UGGT2: variants seen among roughly 807,000 people sequenced by gnomAD.
UGGT2 encodes the protein UDP-glucose glycoprotein glucosyltransferase 2.
A neutral mutation model predicts 192.1 loss-of-function variants in UGGT2; 180 were observed. That is an observed-to-expected ratio of 0.94 (90% CI 0.83 to 1.06). The LOEUF (loss-of-function observed/expected upper bound fraction) is 1.06. Among genes scored for constraint, UGGT2 ranks in the 50% least tolerant of loss-of-function variants. The pLI, the probability that UGGT2 is intolerant of heterozygous loss-of-function variation, is 0.00. For synonymous variants in UGGT2, 580 were observed against 591.0 expected, an observed-to-expected ratio of 0.98 and a Z score of 0.27; for missense variants, 1,849 against 1,795.7, an observed-to-expected ratio of 1.03 and a Z score of -0.54.
At chr13:95,871,560 T>C (rs893963911) in intron 29 of UGGT2, among the ~76,000 whole-genome samples, 8 of 152,188 alleles carry the variant, frequency 5.3e-5, no homozygotes, top group South Asian at 2.1e-4. Flanking sequence ...CTGGGAAAGT[T>C]AGAAGTGTAC....
At position 95,853,626 on chromosome 13, in the gene UGGT2, T is replaced by G. The variant is rs1466871115; in HGVS notation, c.4201A>C (p.Arg1401=). 6.3e-7 allele frequency: 1 copy of G among 1,587,382 alleles called. No homozygotes were observed. ...ALYVVDLKKF[R]RIGAGDRLRS... ...AGCCTGTCACCTGCTCCAATTCTCC[T>G]GAACTTCTTGAGATCCACTACATAT... is the stretch of plus-strand genomic sequence containing the variant. The change falls in exon 36 of 39, where the codon AGG becomes CGG. Residue 1401 remains arginine, a synonymous_variant. Transcript: ENST00000376747.
chr13:95,829,454 T>C (rs1331842746), intron 38 of UGGT2, among the ~76,000 whole-genome samples: 1 of 152,202 alleles, frequency 6.6e-6, no homozygotes, highest in Non-Finnish European at 1.5e-5. Context: ...CTTAAGCTGA[T>C]AAGCAACTTC....
At chr13:95,951,134 T>C (rs2050048289) in intron 12 of UGGT2, among the ~76,000 whole-genome samples, 1 of 151,918 alleles carries the variant, frequency 6.6e-6, no homozygotes. Context: ...GATGGATGAA[T>C]AAAACAGAGG....
In UGGT2 at chr13:95,872,504, A is replaced by G. The variant is rs78295517; in HGVS notation, c.3473+4775T>C. On this transcript the variant is annotated intron_variant, in intron 29 of 38. Coordinates refer to ENST00000376747, the MANE Select transcript of UGGT2 (RefSeq NM_020121.4). ...ATTAAAACATAAATTAGGATAAACA[A>G]TATCAGTTTTTGTTATATTTTATAT... Among the ~76,000 whole-genome samples the G allele has an allele frequency of 4.1e-4, 62 of 152,328 alleles. No individual in the cohort carries two copies. The East Asian group carries it at 0.011, about 27-fold the overall frequency.
intron 27 of UGGT2, among the ~76,000 whole-genome samples, chr13:95,882,613 T>C (rs1310050598): frequency 3.9e-5 from 6 of 152,180 alleles, no homozygotes; most frequent in Non-Finnish European, 5.9e-5. Flanking sequence ...CTTTTGTTTA[T>C]TCACCTAAAC....
chr13:95,921,826 T>C (rs189775888), intron 20 of UGGT2, among the ~76,000 whole-genome samples: 217 of 152,268 alleles, frequency 1.4e-3, no homozygotes, highest in African/African-American at 4.8e-3. Context: ...CTAAACACAG[T>C]GGGAATGAAA....
intron 5 of UGGT2, among the ~76,000 whole-genome samples, chr13:96,004,297 T>C (rs1467033318): frequency 6.6e-6 from 1 of 152,182 alleles, no homozygotes; most frequent in South Asian, 2.1e-4. Context: ...CAAAATGTAA[T>C]GATCAAATCA....
chr13:95,941,032 T>A (rs1468500635), intron 15 of UGGT2, among the ~76,000 whole-genome samples: 1 of 152,176 alleles, frequency 6.6e-6, no homozygotes, highest in Non-Finnish European at 1.5e-5. Flanking sequence ...TACTTAGAGA[T>A]CCTCTATGAC....
At chr13:95,884,373 T>G (rs909501381) in intron 27 of UGGT2, 118 bp downstream of exon 27, 1 of 860,136 alleles carries the variant, frequency 1.2e-6, no homozygotes, top group African/African-American at 1.7e-5. Flanking sequence ...CCTAGAATCA[T>G]AAAAAAGAAT....
intron 1 of UGGT2, among the ~76,000 whole-genome samples, chr13:96,050,918 T>C (rs150453438): frequency 3.9e-5 from 6 of 152,162 alleles, no homozygotes; most frequent in African/African-American, 9.7e-5. Flanking sequence ...GTGGAAGACA[T>C]TGTGGCGATT....
intron 4 of UGGT2, among the ~76,000 whole-genome samples, chr13:96,019,856 G>C (rs541811): frequency 0.36 from 54,397 of 151,970 alleles, 10,596 homozygotes; most frequent in East Asian, 0.45. Flanking sequence ...TCAGCTTTTG[G>C]TTTTACAAGG....
rs111542669 is a variant in UGGT2, at chr13:95,917,820, G to C, written c.2295+7860C>G. Among the ~76,000 whole-genome samples, 532 of 152,050 alleles carry C rather than the reference G, an allele frequency of 3.5e-3. 3 individuals are homozygous for C. Among genetic ancestry groups the C allele is most frequent in the Non-Finnish European group, 5.7e-3 (390 of 67,932 alleles). ...AAAAGAATGTTACATAATTGTAAAG[G>C]GTTCAAGAAGAAATAACTATCCTAA... On this transcript the variant is annotated intron_variant, in intron 20 of 38. Transcript: ENST00000376747.
At chr13:96,048,057 T>C (rs149394961) in intron 1 of UGGT2, among the ~76,000 whole-genome samples, 32 of 152,282 alleles carry the variant, frequency 2.1e-4, no homozygotes, top group Middle Eastern at 3.4e-3. Flanking sequence ...CACACCGCAC[T>C]TATTCCAAAA....
intron 29 of UGGT2, among the ~76,000 whole-genome samples, chr13:95,870,104 G>A (rs1350359470): frequency 2.0e-5 from 3 of 152,178 alleles, no homozygotes; most frequent in Non-Finnish European, 4.4e-5. Context: ...ACTTAGGAAA[G>A]TTATAATTCA....
chr13:95,904,483 C>A (rs1186423133), intron 20 of UGGT2, among the ~76,000 whole-genome samples: 1 of 125,336 alleles, frequency 8.0e-6, no homozygotes, highest in African/African-American at 3.0e-5. Flanking sequence ...GTGTGATGTT[C>A]CCCTTCCTGT....
chr13:95,942,684 T>C (rs1374967133), intron 15 of UGGT2, among the ~76,000 whole-genome samples: 1 of 152,172 alleles, frequency 6.6e-6, no homozygotes. Context: ...TGTTTACATC[T>C]CATGGAATAT....
chr13:95,901,140 C>T (rs1768528927), intron 21 of UGGT2, among the ~76,000 whole-genome samples: 1 of 151,932 alleles, frequency 6.6e-6, no homozygotes, highest in African/African-American at 2.4e-5. Context: ...AATCTTGTTA[C>T]AAGTTGATAC....
At chr13:95,887,656 AAT>A (rs2047682516) in intron 26 of UGGT2, among the ~76,000 whole-genome samples, 1 of 152,168 alleles carries the variant, frequency 6.6e-6, no homozygotes, top group Non-Finnish European at 1.5e-5. Flanking sequence ...CCTATGAATA[AAT>A]ATAAATCCAT....
At chr13:95,999,343 G>A in intron 5 of UGGT2, 36 bp from the exon 6 acceptor site, 1 of 1,582,502 alleles carries the variant, frequency 6.3e-7, no homozygotes, top group Non-Finnish European at 8.7e-7. Flanking sequence ...AAAGCGAAAA[G>A]AGTTAGTCAA....
Sources: gnomAD v4.1 joint callset for allele counts (sites outside exome capture counted in the v4.1 genomes callset) on GRCh38, gnomAD v4.1.1 for gene constraint, MANE v1.5 for transcripts, NCBI Gene and HGNC (gene_info 2026-07-23, HGNC 2026-07-21) for gene names.